SHISAL2A: variants seen among roughly 807,000 people sequenced by gnomAD.
SHISAL2A encodes protein shisa-like-2A.
Under a neutral mutation model 11.5 loss-of-function variants are expected in SHISAL2A, and 18 were observed. The observed-to-expected ratio is 1.57, with a 90% CI of 1.08 to 2.33. The LOEUF is 2.33. Ranked by LOEUF, SHISAL2A falls within the 30% of genes most tolerant of loss-of-function variation. The pLI is 0.00. For synonymous variants in SHISAL2A, 94 were observed against 99.6 expected (o/e 0.94, Z 0.34); for missense variants, 261 against 250.9 (o/e 1.04, Z -0.27).
At chr1:52,638,454 A>G (rs1305221174) in intron 1 of SHISAL2A, among the ~76,000 whole-genome samples, 1 of 152,220 alleles carries the variant, frequency 6.6e-6, no homozygotes, top group Admixed American at 6.5e-5. Flanking sequence ...AAAGCCCTAC[A>G]TACTCAATGT....
chr1:52,643,074 A>T, intron 2 of SHISAL2A, 72 bp downstream of exon 2: 1 of 1,490,338 alleles, frequency 6.7e-7, no homozygotes, highest in Non-Finnish European at 9.2e-7. Flanking sequence ...GAAATGTAGA[A>T]ATGATGTTTG....
chr1:52,647,718 G>A (rs1325313186), intron 2 of SHISAL2A, among the ~76,000 whole-genome samples: 1 of 151,972 alleles, frequency 6.6e-6, no homozygotes, highest in Non-Finnish European at 1.5e-5. Flanking sequence ...AGTGGCACAT[G>A]CCTGTAGATC....
At chr1:52,648,540 G>A (rs2149883281) in intron 2 of SHISAL2A, among the ~76,000 whole-genome samples, 1 of 152,214 alleles carries the variant, frequency 6.6e-6, no homozygotes, top group Middle Eastern at 3.4e-3. Flanking sequence ...CTGTTGCTGT[G>A]AAAGGGGCAT....
In SHISAL2A at chr1:52,633,301, C is replaced by A; in HGVS notation, c.-193C>A. 1 of 491,712 alleles carries A rather than the reference C, an allele frequency of 2.0e-6. No homozygotes were observed. The highest frequency in any genetic ancestry group is 4.1e-5 in the South Asian group (1 of 24,680). 30.5% of individuals were successfully genotyped at this position (491,712 alleles called of 1,614,324 possible). On this transcript the variant is annotated 5_prime_UTR_variant, in exon 1 of 3. Coordinates refer to ENST00000517870, the MANE Select transcript of SHISAL2A (RefSeq NM_001042693.3). This position sits in a 1 kb window ranked among gnomAD's most constrained non-coding sequence, Gnocchi z 6.4. The stretch of plus-strand genomic sequence containing the variant: ...CCTGCCCCTACCCCTCCGCGCGGGC[C>A]GGGCACCTGGCCGCCGCTCGGTCCT...
At chr1:52,648,251 C>A (rs1691547710) in intron 2 of SHISAL2A, among the ~76,000 whole-genome samples, 1 of 151,606 alleles carries the variant, frequency 6.6e-6, no homozygotes, top group Non-Finnish European at 1.5e-5. Context: ...TTTGTAAAGA[C>A]AGACATCTTA....
At chr1:52,667,313 C>A in intron 4 of SHISAL2A, 1 of 644,542 alleles carries the variant, frequency 1.6e-6, no homozygotes, top group Non-Finnish European at 1.9e-6. Flanking sequence ...CCTCTTTTCC[C>A]CTCAGTAATA....
At chr1:52,660,324 C>G (rs542947389), downstream of SHISAL2A, among the ~76,000 whole-genome samples, 1 of 152,138 alleles carries the variant, frequency 6.6e-6, no homozygotes, top group Admixed American at 6.5e-5. Context: ...TCCCTGCCCC[C>G]CAACAGCTCC....
At chr1:52,638,731 G>C (rs905882144) in intron 1 of SHISAL2A, among the ~76,000 whole-genome samples, 2 of 152,180 alleles carry the variant, frequency 1.3e-5, no homozygotes, top group African/African-American at 4.8e-5. Context: ...TACTCCTCAG[G>C]GTTATCCCAC....
At chr1:52,639,098 G>T (rs479580) in intron 1 of SHISAL2A, among the ~76,000 whole-genome samples, 1 of 151,804 alleles carries the variant, frequency 6.6e-6, no homozygotes, top group African/African-American at 2.4e-5. Context: ...ACTTGAGCCC[G>T]GAAGGTTGAG....
At chr1:52,647,178 G>C (rs1322190630) in intron 2 of SHISAL2A, among the ~76,000 whole-genome samples, 1 of 152,132 alleles carries the variant, frequency 6.6e-6, no homozygotes, top group Non-Finnish European at 1.5e-5. Flanking sequence ...TTATAGTGCT[G>C]TTGGCCATGA....
intron 1 of SHISAL2A, among the ~76,000 whole-genome samples, chr1:52,641,547 G>A (rs945855302): frequency 1.3e-5 from 2 of 152,204 alleles, no homozygotes; most frequent in Non-Finnish European, 2.9e-5. Flanking sequence ...TGGGGCCAGA[G>A]GCAGTGAGGT....
downstream of SHISAL2A, among the ~76,000 whole-genome samples, chr1:52,661,048 GA>G (rs757677418): frequency 1.3e-5 from 2 of 152,206 alleles, no homozygotes; most frequent in African/African-American, 2.4e-5. Context: ...CTATGGCTAA[GA>G]GAGACCATAT....
downstream of SHISAL2A, chr1:52,659,340 A>G (rs1223492388): frequency 6.5e-6 from 1 of 152,832 alleles, no homozygotes; most frequent in Non-Finnish European, 1.5e-5. Context: ...TATTTTCAGC[A>G]CTTAAAACCC....
At chr1:52,640,689 A>C (rs562151692) in intron 1 of SHISAL2A, among the ~76,000 whole-genome samples, 7 of 152,228 alleles carry the variant, frequency 4.6e-5, no homozygotes, top group Admixed American at 3.9e-4. Context: ...AAGCCCTTGT[A>C]GATAGAGATG....
At chr1:52,667,390 A>G in intron 4 of SHISAL2A, 1 of 984,746 alleles carries the variant, frequency 1.0e-6, no homozygotes, top group Non-Finnish European at 1.2e-6. Context: ...ATTCTCTATG[A>G]CCCTGCAGGT....
At position 52,649,628 on chromosome 1, in the gene SHISAL2A, T is replaced by C. The variant is rs138194158; in HGVS notation, c.322+6626T>C. On this transcript the variant is annotated intron_variant, in intron 2 of 2. Coordinates refer to ENST00000517870, the MANE Select transcript of SHISAL2A (RefSeq NM_001042693.3). ...CTTATTCTGGTACTTTGTGAGGAAC[T>C]GGCTAGATCAGAAAAGTGAGTTCCT... 5.9e-3 allele frequency among the ~76,000 whole-genome samples: 893 copies of C among 152,326 alleles called. 11 individuals are homozygous for C. The highest frequency in any genetic ancestry group is 0.021 in the African/African-American group (856 of 41,572).
At chr1:52,637,076 A>T (rs1202950544) in intron 1 of SHISAL2A, among the ~76,000 whole-genome samples, 1 of 152,066 alleles carries the variant, frequency 6.6e-6, no homozygotes, top group Non-Finnish European at 1.5e-5. Context: ...GGCATGCTTT[A>T]GTGGCTCAGA....
intron 1 of SHISAL2A, among the ~76,000 whole-genome samples, chr1:52,640,551 G>A (rs1250326258): frequency 2.0e-5 from 3 of 151,842 alleles, no homozygotes; most frequent in African/African-American, 7.3e-5. Flanking sequence ...AATCACTTGA[G>A]GTCTGAAATC....
chr1:52,665,189 T>G (rs189280995), intron 4 of SHISAL2A, among the ~76,000 whole-genome samples: 125 of 152,362 alleles, frequency 8.2e-4, no homozygotes, highest in East Asian at 1.3e-3. Flanking sequence ...GGGAAAGATC[T>G]CCTAGATTTC....
Sources: allele counts gnomAD v4.1 joint callset (sites outside exome capture counted in the v4.1 genomes callset), GRCh38; gene constraint gnomAD v4.1.1; non-coding constraint Gnocchi (gnomAD v3.1); transcripts MANE v1.5; gene names NCBI Gene and HGNC (gene_info 2026-07-23, HGNC 2026-07-21).